ASTN2: variants seen among roughly 807,000 people sequenced by gnomAD.
ASTN2 encodes astrotactin 2.
Under a neutral mutation model 139.8 loss-of-function variants are expected in ASTN2, and 54 were observed. The ratio of observed to expected loss-of-function variants is 0.39; its 90% CI spans 0.31 to 0.48. The LOEUF is 0.48. Among genes scored for constraint, ASTN2 ranks in the 20% least tolerant of loss-of-function variants. The pLI is 0.95. For missense variants in ASTN2, 1,565 were observed against 1,725.1 expected (o/e 0.91, Z 1.64); for synonymous variants, 756 against 719.5 (o/e 1.05, Z -0.81).
intron 13 of ASTN2, among the ~76,000 whole-genome samples, chr9:116,790,971 GAAAGAAA>G (rs1564268860): frequency 0.014 from 231 of 16,272 alleles, 3 homozygotes; most frequent in African/African-American, 0.033. Flanking sequence ...AAGAAGGAAA[GAAAGAAA>G]GAAAGAAAGA....
At chr9:116,965,907 C>T (rs192027990) in intron 10 of ASTN2, among the ~76,000 whole-genome samples, 385 of 152,286 alleles carry the variant, frequency 2.5e-3, no homozygotes, top group Non-Finnish European at 4.1e-3. Flanking sequence ...TCAGCTTCCT[C>T]ATCTGTGAAA....
At chr9:116,493,340 T>C (rs933650429) in intron 19 of ASTN2, among the ~76,000 whole-genome samples, 1 of 152,196 alleles carries the variant, frequency 6.6e-6, no homozygotes, top group African/African-American at 2.4e-5. Context: ...TAACATTCTT[T>C]TCCTGTTTTT....
At chr9:117,115,598 G>T (rs1349307296) in intron 4 of ASTN2, among the ~76,000 whole-genome samples, 3 of 152,094 alleles carry the variant, frequency 2.0e-5, no homozygotes, top group Non-Finnish European at 4.4e-5. Context: ...CATTTAAAAG[G>T]ATATTGGAAA....
At chr9:117,237,179 C>T (rs79801748) in intron 2 of ASTN2, among the ~76,000 whole-genome samples, 6,205 of 152,190 alleles carry the variant, frequency 0.041, 425 homozygotes, top group African/African-American at 0.14. Context: ...TGTGATTTTG[C>T]CATTACGTTC....
intron 10 of ASTN2, among the ~76,000 whole-genome samples, chr9:116,954,808 A>G (rs1835665717): frequency 6.6e-6 from 1 of 152,196 alleles, no homozygotes; most frequent in African/African-American, 2.4e-5. Context: ...ATGGCTCTCA[A>G]AGTATGGTCC....
chr9:117,091,919 G>A (rs12339142), intron 5 of ASTN2, among the ~76,000 whole-genome samples: 74,186 of 151,990 alleles, frequency 0.49, 18,799 homozygotes, highest in East Asian at 0.64. Flanking sequence ...TAGCAAGAGA[G>A]GACTTTTAGC....
At chr9:116,568,918 C>T (rs1853370422) in intron 19 of ASTN2, 1 of 152,122 alleles carries the variant, frequency 6.6e-6, no homozygotes. Context: ...CAAAAATATC[C>T]TTTAGGCAAG....
At chr9:116,672,982 G>C (rs1859289482) in intron 16 of ASTN2, among the ~76,000 whole-genome samples, 1 of 152,116 alleles carries the variant, frequency 6.6e-6, no homozygotes, top group African/African-American at 2.4e-5. Flanking sequence ...AAGAAAACAG[G>C]GTCTGAAGGC....
intron 12 of ASTN2, among the ~76,000 whole-genome samples, chr9:116,812,159 A>G (rs1231681641): frequency 6.6e-6 from 1 of 152,188 alleles, no homozygotes; most frequent in African/African-American, 2.4e-5. Flanking sequence ...GCTTTTGTAT[A>G]TATGACCTGG....
At chr9:116,847,206 C>T (rs1832465641) in intron 11 of ASTN2, among the ~76,000 whole-genome samples, 1 of 152,160 alleles carries the variant, frequency 6.6e-6, no homozygotes, top group Non-Finnish European at 1.5e-5. Flanking sequence ...ACCTCTGCCT[C>T]CCTGGTTCAA....
In ASTN2 at chr9:116,702,080, A is replaced by ATACTT. The variant is rs1389643103; in HGVS notation, c.2806+23686_2806+23690dup. On this transcript the variant is annotated intron_variant, in intron 16 of 22. Coordinates refer to ENST00000313400, the MANE Select transcript of ASTN2 (RefSeq NM_001365068.1). Reference sequence around the variant, plus strand: ...ATTGCAAAACTTGTGAATCTACAGAATACTTTTCTGAAAACCACTGAACTA... The same window carrying ATACTT: ...ATTGCAAAACTTGTGAATCTACAGAATACTTTACTTTTCTGAAAACCACTGAACTA... Among the ~76,000 whole-genome samples, 5 of 152,212 alleles carry ATACTT rather than the reference A, an allele frequency of 3.3e-5. No homozygotes were observed. The East Asian group carries it at 7.7e-4, about 24-fold the overall frequency.
At chr9:116,578,393 C>T (rs1448685923) in intron 19 of ASTN2, among the ~76,000 whole-genome samples, 1 of 152,160 alleles carries the variant, frequency 6.6e-6, no homozygotes, top group African/African-American at 2.4e-5. Flanking sequence ...CTCTCTCTCA[C>T]TCACTCCTGT....
At chr9:116,875,645 A>G (rs1273787564) in intron 10 of ASTN2, among the ~76,000 whole-genome samples, 3 of 152,232 alleles carry the variant, frequency 2.0e-5, no homozygotes, top group Non-Finnish European at 4.4e-5. Context: ...TTTCATTGCT[A>G]GAGAGGAGAA....
chr9:116,805,857 T>A, intron 12 of ASTN2, 37 bp from the exon 13 acceptor site: 1 of 1,598,510 alleles, frequency 6.3e-7, no homozygotes, highest in Non-Finnish European at 8.5e-7. Context: ...TAGCTTCACA[T>A]CCTGAATGCC....
intron 10 of ASTN2, among the ~76,000 whole-genome samples, chr9:116,938,950 T>C (rs1470619987): frequency 6.6e-6 from 1 of 152,210 alleles, no homozygotes; most frequent in Non-Finnish European, 1.5e-5. Flanking sequence ...TGTGTTAAGA[T>C]TTGAAAGGAC....
chr9:116,744,173 G>T (rs10759853), intron 13 of ASTN2, among the ~76,000 whole-genome samples: 109,710 of 151,930 alleles, frequency 0.72, 39,747 homozygotes, highest in East Asian at 0.86. Context: ...TATGTGTGTG[G>T]GCGCATGTGT....
At chr9:116,998,425 A>T (rs977540122) in intron 7 of ASTN2, among the ~76,000 whole-genome samples, 1 of 152,206 alleles carries the variant, frequency 6.6e-6, no homozygotes, top group African/African-American at 2.4e-5. Context: ...GTCTTTATTT[A>T]GCAAACACAC....
At chr9:116,593,078 G>C (rs1022487156) in intron 19 of ASTN2, among the ~76,000 whole-genome samples, 7 of 152,216 alleles carry the variant, frequency 4.6e-5, no homozygotes, top group Admixed American at 1.3e-4. Context: ...TTGGAAGAGT[G>C]GGGTGGAGGC....
At chr9:116,587,046 A>G (rs1588042118) in intron 19 of ASTN2, among the ~76,000 whole-genome samples, 1 of 152,210 alleles carries the variant, frequency 6.6e-6, no homozygotes, top group East Asian at 1.9e-4. Context: ...TCAACAATTA[A>G]AAAGCAACAC....
Sources: gnomAD v4.1 joint callset for allele counts (sites outside exome capture counted in the v4.1 genomes callset) on GRCh38, gnomAD v4.1.1 for gene constraint, MANE v1.5 for transcripts, NCBI Gene and HGNC (gene_info 2026-07-23, HGNC 2026-07-21) for gene names.